MPPED2: variants seen among roughly 807,000 people sequenced by gnomAD.
The protein encoded by MPPED2 is metallophosphoesterase MPPED2.
MPPED2 carries 5 observed loss-of-function variants against 33.0 expected under a neutral mutation model. The ratio of observed to expected loss-of-function variants is 0.15; its 90% CI spans 0.08 to 0.32. The LOEUF (loss-of-function observed/expected upper bound fraction) is 0.32, where lower values mean the gene tolerates loss of function less well. Ranked by LOEUF, MPPED2 falls within the 10% of genes least tolerant of loss-of-function variation. MPPED2 has a pLI of 1.00. For missense variants in MPPED2, 275 were observed against 372.1 expected, an observed-to-expected ratio of 0.74 and a Z score of 2.15; for synonymous variants, 136 against 141.9, an observed-to-expected ratio of 0.96 and a Z score of 0.29.
intron 2 of MPPED2, among the ~76,000 whole-genome samples, chr11:30,558,155 T>G (rs1301565505): frequency 6.6e-6 from 1 of 152,096 alleles, no homozygotes; most frequent in African/African-American, 2.4e-5. Context: ...CACGTATATA[T>G]TTTGTATGTA....
chr11:30,394,755 A>G (rs549422452), intron 6 of MPPED2, among the ~76,000 whole-genome samples: 12 of 152,316 alleles, frequency 7.9e-5, no homozygotes, highest in African/African-American at 1.9e-4. Flanking sequence ...TTAAATTTCA[A>G]TGAAGTTCAA....
At chr11:30,424,958 C>A (rs1456571065) in intron 4 of MPPED2, among the ~76,000 whole-genome samples, 1 of 152,214 alleles carries the variant, frequency 6.6e-6, no homozygotes, top group Non-Finnish European at 1.5e-5. Context: ...TAGCCCAAAC[C>A]ACCAGCCCAG....
At chr11:30,441,116 T>A (rs1949552656) in intron 4 of MPPED2, 1 of 152,176 alleles carries the variant, frequency 6.6e-6, no homozygotes. Flanking sequence ...CTTTTGGAAA[T>A]ACTGCTTTTT....
At chr11:30,396,645 A>G (rs1947843009) in intron 6 of MPPED2, among the ~76,000 whole-genome samples, 2 of 152,122 alleles carry the variant, frequency 1.3e-5, no homozygotes. Flanking sequence ...TTTTCCCATA[A>G]TTTCAATTTA....
rs1005444578 is a variant in MPPED2, at chr11:30,557,225, A to AATATATATATATATATATATT, written c.129-21051_129-21050insAATATATATATATATATATAT. 1.4e-3 allele frequency among the ~76,000 whole-genome samples: 192 copies of AATATATATATATATATATATT among 141,788 alleles called. 21 individuals are homozygous for AATATATATATATATATATATT. The highest frequency in any genetic ancestry group is 5.8e-3 in the African/African-American group (184 of 31,862). The allele number at this position is 141,788 out of a possible 152,430, so 93.0% of individuals were successfully genotyped here. A position where few individuals can be genotyped will look rare whatever the true frequency, so the allele number is the denominator to read the frequency against. ...CCAAATAAGCAAATTATATATATAT[A>AATATATATATATATATATATT]ATATATATATCAAAACTCTGAAACA... On this transcript the variant is annotated intron_variant, in intron 2 of 6. Transcript: ENST00000358117.
At chr11:30,484,929 T>C (rs572186431) in intron 4 of MPPED2, among the ~76,000 whole-genome samples, 23 of 152,288 alleles carry the variant, frequency 1.5e-4, no homozygotes, top group African/African-American at 5.1e-4. Context: ...ATTTCTACTC[T>C]TTTTTGCTTC....
chr11:30,496,911 T>C (rs1003692983), intron 3 of MPPED2, among the ~76,000 whole-genome samples: 7 of 152,162 alleles, frequency 4.6e-5, no homozygotes, highest in Admixed American at 4.6e-4. Flanking sequence ...TATTAATTGT[T>C]AGATTTCTGA....
intron 4 of MPPED2, among the ~76,000 whole-genome samples, chr11:30,492,049 A>G (rs1178042108): frequency 6.6e-6 from 1 of 152,212 alleles, no homozygotes; most frequent in Non-Finnish European, 1.5e-5. Flanking sequence ...CAGAAGACTG[A>G]TTAGTGCTTA....
intron 4 of MPPED2, among the ~76,000 whole-genome samples, chr11:30,454,814 T>TA (rs995738325): frequency 4.6e-5 from 7 of 152,054 alleles, no homozygotes; most frequent in African/African-American, 7.2e-5. Flanking sequence ...CCAAAGCACT[T>TA]AAAAAAAATC....
chr11:30,536,409 G>T (rs1380897871), intron 2 of MPPED2, among the ~76,000 whole-genome samples: 2 of 152,054 alleles, frequency 1.3e-5, no homozygotes, highest in East Asian at 3.9e-4. Flanking sequence ...AAAATTAAAA[G>T]GAATGAATAT....
intron 2 of MPPED2, among the ~76,000 whole-genome samples, chr11:30,550,267 AG>A (rs146189503): frequency 0.02 from 3,062 of 152,268 alleles, 114 homozygotes; most frequent in African/African-American, 0.071. Context: ...CTGGTTCCAA[AG>A]AAATCATTGT....
chr11:30,490,525 C>A (rs1397219690), intron 4 of MPPED2, among the ~76,000 whole-genome samples: 1 of 152,078 alleles, frequency 6.6e-6, no homozygotes, highest in Non-Finnish European at 1.5e-5. Flanking sequence ...TATTGCCTTC[C>A]CATTTGAGGG....
chr11:30,547,371 G>A (rs902902818), intron 2 of MPPED2, among the ~76,000 whole-genome samples: 2 of 152,098 alleles, frequency 1.3e-5, no homozygotes, highest in Admixed American at 6.6e-5. Flanking sequence ...TAACAATCAC[G>A]CCTAATATTT....
At chr11:30,542,013 T>C (rs1955148259) in intron 2 of MPPED2, among the ~76,000 whole-genome samples, 1 of 152,228 alleles carries the variant, frequency 6.6e-6, no homozygotes, top group East Asian at 1.9e-4. Context: ...AACCTGGACA[T>C]ACTATTTGAT....
intron 6 of MPPED2, among the ~76,000 whole-genome samples, chr11:30,413,014 G>C (rs186510619): frequency 6.6e-6 from 1 of 152,106 alleles, no homozygotes; most frequent in Non-Finnish European, 1.5e-5. Context: ...TCATACCTTA[G>C]GGCAGTACCC....
intron 4 of MPPED2, among the ~76,000 whole-genome samples, chr11:30,444,511 C>T (rs932514313): frequency 4.7e-5 from 7 of 149,078 alleles, no homozygotes; most frequent in Non-Finnish European, 1.0e-4. Context: ...TCCATGATGG[C>T]TAAATCCATT....
chr11:30,417,230 A>G (rs1948407079), intron 5 of MPPED2, among the ~76,000 whole-genome samples: 1 of 152,140 alleles, frequency 6.6e-6, no homozygotes, highest in African/African-American at 2.4e-5. Context: ...AAGTGAATAC[A>G]GTTCTTAAAA....
chr11:30,465,750 G>A (rs1032138702), intron 4 of MPPED2, among the ~76,000 whole-genome samples: 2 of 152,338 alleles, frequency 1.3e-5, no homozygotes, highest in Admixed American at 1.3e-4. Context: ...GGTTTGAACT[G>A]TGTGGGTCCA....
At chr11:30,526,968 AGGCTAGAGTGCAGT>A (rs137945548) in intron 3 of MPPED2, among the ~76,000 whole-genome samples, 14,265 of 151,666 alleles carry the variant, frequency 0.094, 888 homozygotes, top group African/African-American at 0.17. Flanking sequence ...GCAGTGGCCC[AGGCTAGAGTGCAGT>A]GGCGTGATCT....
Sources: allele counts gnomAD v4.1 joint callset (sites outside exome capture counted in the v4.1 genomes callset), GRCh38; gene constraint gnomAD v4.1.1; transcripts MANE v1.5; gene names NCBI Gene and HGNC (gene_info 2026-07-23, HGNC 2026-07-21).